The following NUSAP1 variants were observed in gnomAD, a reference collection of about 807,000 sequenced individuals.
NUSAP1 encodes the protein nucleolar and spindle associated protein 1.
Under a neutral mutation model 52.8 loss-of-function variants are expected in NUSAP1, and 32 were observed. That is an observed-to-expected ratio of 0.61 (90% confidence interval 0.46 to 0.81). NUSAP1 has a LOEUF of 0.81. Among genes scored for constraint, NUSAP1 ranks in the 40% least tolerant of loss-of-function variants. NUSAP1 has a pLI of 0.00. For synonymous variants in NUSAP1, 195 were observed against 183.1 expected (o/e 1.06, Z -0.52); for missense variants, 499 against 522.3 (o/e 0.96, Z 0.43).
At chr15:41,347,540 G>A (rs555731004) in intron 2 of NUSAP1, among the ~76,000 whole-genome samples, 22 of 152,202 alleles carry the variant, frequency 1.4e-4, no homozygotes, top group African/African-American at 5.3e-4. Context: ...ACATGGCCGG[G>A]TGCGGTGGCT....
At position 41,346,792 on chromosome 15, in the gene NUSAP1, A is replaced by C. The variant is rs180916942; in HGVS notation, c.163-2306A>C. ...CAATGAGCCAAGATTGTGCTATTGC[A>C]CTCCATCCTGGGCAACAGAGCCAGA... On this transcript the variant is annotated intron_variant, in intron 2 of 10. Transcript: ENST00000559596. 7.3e-5 allele frequency among the ~76,000 whole-genome samples: 11 copies of C among 151,520 alleles called. No homozygotes were observed. In the East Asian group the frequency reaches 1.6e-3, roughly 21 times the overall value.
intron 10 of NUSAP1, among the ~76,000 whole-genome samples, chr15:41,378,692 C>T (rs1203383370): frequency 2.0e-5 from 3 of 151,994 alleles, no homozygotes; most frequent in Non-Finnish European, 4.4e-5. Flanking sequence ...ATCACTTGAA[C>T]CCGGGAGGCG....
intron 1 of NUSAP1, among the ~76,000 whole-genome samples, chr15:41,333,943 A>G (rs2048019572): frequency 6.6e-6 from 1 of 152,164 alleles, no homozygotes; most frequent in Non-Finnish European, 1.5e-5. Context: ...AAAACCCAAG[A>G]TGTTAGAAGA....
In NUSAP1 at chr15:41,334,212, GGGT is replaced by G. The variant is rs765056157; in HGVS notation, c.93+1163_93+1165del. Among the ~76,000 whole-genome samples, 16 of 152,240 alleles carry G rather than the reference GGGT, an allele frequency of 1.1e-4. No homozygotes were observed. The East Asian group carries it at 3.1e-3, about 30-fold the overall frequency. On this transcript the variant is annotated intron_variant, in intron 1 of 10. Coordinates refer to ENST00000559596, the MANE Select transcript of NUSAP1 (RefSeq NM_016359.5). ...CGGCTCACCGCAACCTCCGCCTCCT[GGGT>G]TCAAGCGATTCTCCTGCCTCAGCCT...
intron 6 of NUSAP1, among the ~76,000 whole-genome samples, chr15:41,364,374 C>T (rs751336365): frequency 1.3e-5 from 2 of 151,058 alleles, no homozygotes; most frequent in Non-Finnish European, 3.0e-5. Context: ...AGTGAAACCC[C>T]GTCTCTACTA....
In NUSAP1 at chr15:41,379,838, C is replaced by T. The variant is rs62001409; in HGVS notation, c.1233-255C>T. ...CTGGGATTTCAGGCATGAGCCATCG[C>T]GCCCCGGCCTCCATGCATGATTTTA... On this transcript the variant is annotated intron_variant, in intron 10 of 10. Coordinates refer to ENST00000559596, the MANE Select transcript of NUSAP1 (RefSeq NM_016359.5). 5.9e-3 allele frequency among the ~76,000 whole-genome samples: 902 copies of T among 152,206 alleles called. 7 individuals carry two copies. Among genetic ancestry groups the T allele is most frequent in the Admixed American group, 0.013 (201 of 15,274 alleles).
intron 6 of NUSAP1, among the ~76,000 whole-genome samples, chr15:41,362,389 A>T (rs943842598): frequency 3.4e-5 from 5 of 148,994 alleles, no homozygotes; most frequent in African/African-American, 1.2e-4. Context: ...GGTATATATT[A>T]TCTGTTTTAA....
intron 6 of NUSAP1, among the ~76,000 whole-genome samples, chr15:41,362,594 T>G (rs533461483): frequency 6.6e-5 from 10 of 151,126 alleles, no homozygotes; most frequent in Admixed American, 4.0e-4. Flanking sequence ...CCGGCTAATT[T>G]TTTTTTTTTG....
At chr15:41,349,920 C>T (rs938328990) in intron 3 of NUSAP1, among the ~76,000 whole-genome samples, 1 of 151,878 alleles carries the variant, frequency 6.6e-6, no homozygotes, top group African/African-American at 2.4e-5. Context: ...GTGGCCACCA[C>T]CACGCCCAAC....
intron 6 of NUSAP1, among the ~76,000 whole-genome samples, chr15:41,364,686 G>T (rs2049314483): frequency 6.6e-6 from 1 of 152,036 alleles, no homozygotes; most frequent in Non-Finnish European, 1.5e-5. Flanking sequence ...TGGCCAACAT[G>T]GCAACATCCT....
At chr15:41,377,733 G>C (rs955543902) in intron 10 of NUSAP1, among the ~76,000 whole-genome samples, 15 of 147,938 alleles carry the variant, frequency 1.0e-4, no homozygotes, top group Non-Finnish European at 1.9e-4. Flanking sequence ...GGCCAGGCAC[G>C]GTGGCTCACG....
chr15:41,353,222 C>A (rs540889984), intron 4 of NUSAP1, among the ~76,000 whole-genome samples: 1 of 152,254 alleles, frequency 6.6e-6, no homozygotes, highest in East Asian at 1.9e-4. Flanking sequence ...AGGATCTCGG[C>A]TCATTGCAAC....
rs1187469450 is a variant in NUSAP1 at position 41,378,944 on chromosome 15, GTTTTTTTT to G, written c.1233-1129_1233-1122del. ...CCCAAGATTATATTAACTTATCTTG[GTTTTTTTT>G]TTTTTTTTTTTTTTTTTTTGAGATG... On this transcript the variant is annotated intron_variant, in intron 10 of 10. Transcript: ENST00000559596. 2.5e-4 allele frequency among the ~76,000 whole-genome samples: 16 copies of G among 63,260 alleles called. No individual in the cohort carries two copies. The South Asian group carries it at 5.9e-3, about 23-fold the overall frequency. The allele number at this position is 63,260 out of a possible 152,430, so 41.5% of individuals were successfully genotyped here.
At chr15:41,376,394 G>A (rs572431204) in intron 9 of NUSAP1, among the ~76,000 whole-genome samples, 3 of 150,906 alleles carry the variant, frequency 2.0e-5, no homozygotes, top group Admixed American at 6.6e-5. Flanking sequence ...GTGAGACCAC[G>A]CCTCAAAAAC....
chr15:41,333,065 G>C lies in NUSAP1; in HGVS notation c.93+15G>C. ...CCAACCTGAGGGTACGGCGCTGGCG[G>C]TGCGGGTCCCTGGGCGGGCGCGGCG... On this transcript the variant is annotated intron_variant, in intron 1 of 10. Transcript: ENST00000559596. 1 of 1,599,560 alleles carries C rather than the reference G, an allele frequency of 6.3e-7. No individual in the cohort carries two copies. Among genetic ancestry groups the C allele is most frequent in the Non-Finnish European group, 8.5e-7 (1 of 1,171,872 alleles).
At chr15:41,369,646 C>CT (rs2049580211) in intron 7 of NUSAP1, among the ~76,000 whole-genome samples, 1 of 150,850 alleles carries the variant, frequency 6.6e-6, no homozygotes, top group Non-Finnish European at 1.5e-5. Flanking sequence ...GAAACATTGT[C>CT]TAAAAAAAAA....
intron 4 of NUSAP1, among the ~76,000 whole-genome samples, chr15:41,353,518 C>T (rs2048852565): frequency 6.6e-6 from 1 of 152,148 alleles, no homozygotes; most frequent in African/African-American, 2.4e-5. Flanking sequence ...TGCGACCATT[C>T]CAACACTGAC....
In NUSAP1 at chr15:41,380,155, T is replaced by C; in HGVS notation, c.1295T>C (p.Met432Thr). 1 of 1,585,592 alleles carries C rather than the reference T, an allele frequency of 6.3e-7. No individual in the cohort carries two copies. Among genetic ancestry groups the C allele is most frequent in the East Asian group, 2.3e-5 (1 of 43,752 alleles). Reference sequence around the variant, plus strand: ...GAGAAGAAAGCAAAGGTTTTGGGAATGCGAAGGGGCCTCATTTTGGCTGAA... The same window carrying C: ...GAGAAGAAAGCAAAGGTTTTGGGAACGCGAAGGGGCCTCATTTTGGCTGAA... ...RKEKKAKVLG[M>T]RRGLILAED is the part of the protein sequence containing the mutation. The change falls in exon 11 of 11, where the codon ATG becomes ACG. Residue 432 changes from methionine (M) to threonine (T), a missense_variant. By Grantham distance (81) the Met-to-Thr change is moderately conservative. Coordinates refer to ENST00000559596, the MANE Select transcript of NUSAP1 (RefSeq NM_016359.5).
intron 7 of NUSAP1, among the ~76,000 whole-genome samples, chr15:41,367,648 G>GAGACTTGGGTATTATT (rs548145785): frequency 2.6e-5 from 4 of 152,102 alleles, no homozygotes; most frequent in Non-Finnish European, 4.4e-5. Context: ...TCCAAACTGG[G>GAGACTTGGGTATTATT]AGACTTGGGT....
Sources: gnomAD v4.1 joint callset for allele counts (sites outside exome capture counted in the v4.1 genomes callset) on GRCh38, gnomAD v4.1.1 for gene constraint, MANE v1.5 for transcripts, NCBI Gene and HGNC (gene_info 2026-07-23, HGNC 2026-07-21) for gene names.